The following ZNF451 variants were observed in gnomAD, a reference collection of about 807,000 sequenced individuals.
The protein encoded by ZNF451 is E3 SUMO-protein ligase ZNF451.
In ZNF451, 80 loss-of-function variants were observed where a neutral mutation model predicts 107.1. The ratio of observed to expected loss-of-function variants is 0.75; its 90% CI spans 0.62 to 0.90. ZNF451 has a LOEUF of 0.90. ZNF451 is among the 40% of genes least tolerant of loss of function. ZNF451 has a pLI of 0.00. For missense variants in ZNF451, 1,107 were observed against 1,236.2 expected (o/e 0.90, Z 1.57); for synonymous variants, 362 against 406.5 (o/e 0.89, Z 1.32).
chr6:57,112,059 T>C (rs1428113403), intron 3 of ZNF451, among the ~76,000 whole-genome samples: 2 of 152,252 alleles, frequency 1.3e-5, no homozygotes, highest in Admixed American at 6.5e-5. Context: ...TGTACTGTTA[T>C]GCTGCGTTTA....
intron 3 of ZNF451, chr6:57,102,990 C>T: frequency 1.0e-6 from 1 of 985,428 alleles, no homozygotes; most frequent in Non-Finnish European, 1.2e-6. Context: ...CTGGGCCTTT[C>T]ACCAAGATGG....
Position 57,140,279 on chromosome 6 carries a change from A to G in ZNF451, c.703-1023A>G, listed in dbSNP as rs938168414. 3.3e-5 allele frequency among the ~76,000 whole-genome samples: 5 copies of G among 152,038 alleles called. No homozygotes were observed. In the South Asian group the frequency reaches 1.0e-3, roughly 31 times the overall value. ...ATAGGAAATGCAAATTAAAGTAGCA[A>G]TGAAGGCCAGGCACGGTGGCTCATG... is the stretch of plus-strand genomic sequence containing the variant. On this transcript the variant is annotated intron_variant, in intron 7 of 14. Coordinates refer to ENST00000370706, the MANE Select transcript of ZNF451 (RefSeq NM_001031623.3).
chr6:57,160,555 G>A (rs769209947), intron 13 of ZNF451, among the ~76,000 whole-genome samples: 21 of 151,958 alleles, frequency 1.4e-4, no homozygotes, highest in Admixed American at 2.6e-4. Flanking sequence ...GGCTGGTCTC[G>A]AACTCCTGAG....
chr6:57,136,138 A>G (rs9296861), intron 7 of ZNF451, among the ~76,000 whole-genome samples: 18,006 of 152,150 alleles, frequency 0.12, 1,309 homozygotes, highest in African/African-American at 0.19. Flanking sequence ...GTCTTGTTCA[A>G]CATTGACTAG....
At chr6:57,154,323 A>T in intron 13 of ZNF451, 1 of 500,958 alleles carries the variant, frequency 2.0e-6, no homozygotes, top group Non-Finnish European at 3.5e-6. Flanking sequence ...CATGTGTTAC[A>T]GTATGTTACT....
chr6:57,142,602 GA>G (rs1002703225), intron 9 of ZNF451, among the ~76,000 whole-genome samples: 5 of 152,268 alleles, frequency 3.3e-5, no homozygotes, highest in Admixed American at 3.3e-4. Context: ...TTCCCTTGTT[GA>G]TAGATAGTTG....
chr6:57,170,225 C>A lies in ZNF451; in HGVS notation c.*1756C>A, dbSNP rs972552055. On this transcript the variant is annotated 3_prime_UTR_variant, in exon 15 of 15. Coordinates refer to ENST00000370706, the MANE Select transcript of ZNF451 (RefSeq NM_001031623.3). ...TCATACTTTGACTTTAATTTAGACACAAGGAGATGTAATCGCTGTGTAACA... is the reference window on the plus strand; with the variant it reads ...TCATACTTTGACTTTAATTTAGACAAAAGGAGATGTAATCGCTGTGTAACA... 2.0e-5 allele frequency: 3 copies of A among 152,124 alleles called. No individual in the cohort carries two copies. The highest frequency in any genetic ancestry group is 7.2e-5 in the African/African-American group (3 of 41,402). The allele number at this position is 152,124 out of a possible 1,614,324, so 9.4% of individuals were successfully genotyped here.
intron 7 of ZNF451, among the ~76,000 whole-genome samples, chr6:57,140,953 A>G (rs1645891657): frequency 1.3e-5 from 2 of 152,322 alleles, no homozygotes; most frequent in Admixed American, 1.3e-4. Flanking sequence ...AATAAAGCAA[A>G]ACATTAGGAA....
chr6:57,124,913 A>T, intron 4 of ZNF451, 54 bp downstream of exon 4: 3 of 1,238,706 alleles, frequency 2.4e-6, no homozygotes, highest in Non-Finnish European at 3.2e-6. Flanking sequence ...TTTATAATAA[A>T]GTTGGTAAAA....
intron 3 of ZNF451, among the ~76,000 whole-genome samples, chr6:57,119,011 C>G (rs1279474311): frequency 6.6e-6 from 1 of 152,074 alleles, no homozygotes; most frequent in Non-Finnish European, 1.5e-5. Context: ...ATAAACAGTC[C>G]CTACTGCAAA....
rs761194102 is a variant in ZNF451, at chr6:57,099,515, A to C, written c.186+374A>C. 9 of 716,950 alleles carry C rather than the reference A, an allele frequency of 1.3e-5. No individual in the cohort carries two copies. In the South Asian group the frequency reaches 1.3e-4, roughly 11 times the overall value. The allele number at this position is 716,950 out of a possible 1,614,324, so 44.4% of individuals were successfully genotyped here. On this transcript the variant is annotated intron_variant, in intron 3 of 14. Coordinates refer to ENST00000370706, the MANE Select transcript of ZNF451 (RefSeq NM_001031623.3). ...TTTTGTTCCAGAACCACATGACCAC[A>C]GAAAATTTGTTTTCTCTTAGAAAAA...
chr6:57,136,386 C>G (rs1487795653), intron 7 of ZNF451, among the ~76,000 whole-genome samples: 2 of 151,972 alleles, frequency 1.3e-5, no homozygotes, highest in Non-Finnish European at 2.9e-5. Context: ...CAGTATTGTT[C>G]AGAATGGATT....
chr6:57,123,973 G>A (rs774204354), intron 3 of ZNF451, among the ~76,000 whole-genome samples: 25 of 152,154 alleles, frequency 1.6e-4, no homozygotes, highest in Admixed American at 5.9e-4. Flanking sequence ...TTCTTCCTTC[G>A]CAATCTGTGT....
Position 57,124,717 on chromosome 6 carries a change from T to A in ZNF451, c.187-17T>A, listed in dbSNP as rs1453856641. ...CTAATTTTGTTAAAAGGAATGAAAATTTTTTTCATGTTATAGGAGAATATT... is the reference window on the plus strand; with the variant it reads ...CTAATTTTGTTAAAAGGAATGAAAAATTTTTTCATGTTATAGGAGAATATT... On this transcript the variant is annotated splice_polypyrimidine_tract_variant and intron_variant, in intron 3 of 14. Coordinates refer to ENST00000370706, the MANE Select transcript of ZNF451 (RefSeq NM_001031623.3). 9 of 1,532,540 alleles carry A rather than the reference T, an allele frequency of 5.9e-6. No individual in the cohort carries two copies. Among genetic ancestry groups the A allele is most frequent in the South Asian group, 1.2e-5 (1 of 86,394 alleles). The allele number at this position is 1,532,540 out of a possible 1,614,324, so 94.9% of individuals were successfully genotyped here. A position where few individuals can be genotyped will look rare whatever the true frequency, so the allele number is the denominator to read the frequency against.
intron 3 of ZNF451, chr6:57,103,383 T>G: frequency 1.0e-6 from 1 of 985,438 alleles, no homozygotes; most frequent in Non-Finnish European, 1.2e-6. Flanking sequence ...TTACTTAATT[T>G]AGTCAGATTC....
chr6:57,124,558 A>T, intron 3 of ZNF451, 176 bp from the exon 4 acceptor site: 5 of 701,082 alleles, frequency 7.1e-6, no homozygotes, highest in Non-Finnish European at 1.3e-5. Context: ...AAAACCAAAG[A>T]TGCTGGTGGA....
intron 14 of ZNF451, 125 bp downstream of exon 14, chr6:57,161,277 G>A (rs1320008235): frequency 1.9e-6 from 1 of 531,150 alleles, no homozygotes; most frequent in Non-Finnish European, 3.2e-6. Flanking sequence ...CATTTTCTCA[G>A]TTTGGATAGC....
intron 5 of ZNF451, among the ~76,000 whole-genome samples, chr6:57,131,099 G>A (rs541015356): frequency 1.3e-5 from 2 of 152,142 alleles, no homozygotes; most frequent in East Asian, 3.9e-4. Flanking sequence ...CTTCTCAGTA[G>A]CATTAAAGGA....
chr6:57,113,316 CTT>C (rs558400280), intron 3 of ZNF451, among the ~76,000 whole-genome samples: 14 of 141,536 alleles, frequency 9.9e-5, no homozygotes, highest in Admixed American at 7.1e-5. Flanking sequence ...TGATGTCATT[CTT>C]TTTTTTTTTT....
Sources: gnomAD v4.1 joint callset for allele counts (sites outside exome capture counted in the v4.1 genomes callset) on GRCh38, gnomAD v4.1.1 for gene constraint, MANE v1.5 for transcripts, NCBI Gene and HGNC (gene_info 2026-07-23, HGNC 2026-07-21) for gene names.